Variants in ANLN observed in about 807,000 individuals in gnomAD.
ANLN encodes anillin.
A neutral mutation model predicts 135.1 loss-of-function variants in ANLN; 59 were observed. The ratio of observed to expected loss-of-function variants is 0.44; its 90% CI spans 0.35 to 0.54. The LOEUF is 0.54. Ranked by LOEUF, ANLN falls within the 20% of genes least tolerant of loss-of-function variation. ANLN has a pLI of 0.00. For synonymous variants in ANLN, 406 were observed against 456.4 expected, an observed-to-expected ratio of 0.89 and a Z score of 1.41; for missense variants, 1,182 against 1,340.0, an observed-to-expected ratio of 0.88 and a Z score of 1.84.
At chr7:36,444,968 C>T (rs1341964568) in intron 22 of ANLN, among the ~76,000 whole-genome samples, 5 of 151,730 alleles carry the variant, frequency 3.3e-5, no homozygotes, top group South Asian at 4.1e-4. Flanking sequence ...TCCAAAAGGG[C>T]GTAAAATAAT....
Position 36,424,563 on chromosome 7 carries a change from C to A in ANLN, c.2622C>A (p.Asp874Glu). 6.3e-7 allele frequency: 1 copy of A among 1,599,906 alleles called. No individual in the cohort carries two copies. The highest frequency in any genetic ancestry group is 8.5e-7 in the Non-Finnish European group (1 of 1,172,230). ...TTFTLQDVSNDFEINIEVYSL... is the reference protein window; with the variant it reads ...TTFTLQDVSNEFEINIEVYSL... ...TTTCCAGGCAAGATGTATCCAATGA[C>A]TTTGAAATAAATATTGAAGTTTACA... Residue 874 changes from aspartate to glutamate, a missense_variant, in exon 16 of 24, where the codon GAC becomes GAA. Transcript: ENST00000265748.
chr7:36,432,478 T>C (rs772461083), intron 20 of ANLN, among the ~76,000 whole-genome samples: 1 of 152,210 alleles, frequency 6.6e-6, no homozygotes, highest in Non-Finnish European at 1.5e-5. Flanking sequence ...GTCTTTCTTA[T>C]AGCAATCCTG....
intron 21 of ANLN, among the ~76,000 whole-genome samples, chr7:36,441,337 T>TA (rs1583654973): frequency 6.6e-6 from 1 of 152,276 alleles, no homozygotes; most frequent in East Asian, 1.9e-4. Context: ...CATTCACACT[T>TA]ACAAAAATGT....
rs1048378140 is a variant in ANLN at position 36,401,688 on chromosome 7, T to C, written c.487+2295T>C. On this transcript the variant is annotated intron_variant, in intron 3 of 23. Coordinates refer to ENST00000265748, the MANE Select transcript of ANLN (RefSeq NM_018685.5). ...ATAGTCTATGGTGTCAATTAATACC[T>C]ATTTATTTTAGCAGTGGTGAGGTAA... Among the ~76,000 whole-genome samples, 21 of 120,288 alleles carry C rather than the reference T, an allele frequency of 1.7e-4. 8 individuals carry two copies. Among genetic ancestry groups the C allele is most frequent in the African/African-American group, 7.3e-4 (21 of 28,594 alleles). The allele number at this position is 120,288 out of a possible 152,430, so 78.9% of individuals were successfully genotyped here.
chr7:36,418,754 CTTTTT>C (rs71553066), intron 9 of ANLN, among the ~76,000 whole-genome samples: 1 of 143,766 alleles, frequency 7.0e-6, no homozygotes, highest in Non-Finnish European at 1.5e-5. Context: ...TTTCTTTTTT[CTTTTT>C]TTTTTTTGTC....
chr7:36,395,798 T>C (rs1390236485), intron 1 of ANLN, among the ~76,000 whole-genome samples: 1 of 151,980 alleles, frequency 6.6e-6, no homozygotes, highest in Non-Finnish European at 1.5e-5. Context: ...TGGTAGTTGA[T>C]ACTGACCATC....
chr7:36,402,735 A>G (rs975598920), intron 3 of ANLN, among the ~76,000 whole-genome samples: 19 of 152,058 alleles, frequency 1.2e-4, no homozygotes, highest in African/African-American at 3.4e-4. Context: ...TCTGCTTTCT[A>G]TACATTTTTG....
At chr7:36,439,706 A>G (rs1788687511) in intron 21 of ANLN, among the ~76,000 whole-genome samples, 1 of 152,218 alleles carries the variant, frequency 6.6e-6, no homozygotes, top group South Asian at 2.1e-4. Flanking sequence ...GAGAATGTAC[A>G]GTGGCTTGAA....
At position 36,452,759 on chromosome 7, in the gene ANLN, A is replaced by G; in HGVS notation, c.*159A>G. The G allele has an allele frequency of 1.4e-6, 1 of 720,858 alleles. No individual in the cohort carries two copies. Among genetic ancestry groups the G allele is most frequent in the Non-Finnish European group, 2.1e-6 (1 of 470,150 alleles). 44.7% of individuals were successfully genotyped at this position (720,858 alleles called of 1,614,324 possible). On this transcript the variant is annotated 3_prime_UTR_variant, in exon 24 of 24. Coordinates refer to ENST00000265748, the MANE Select transcript of ANLN (RefSeq NM_018685.5). ...GCAGTATTTATATCTTTTGTATGTA[A>G]AACTTTAACTGATTTCTGTCATTCA...
chr7:36,426,885 G>T, intron 19 of ANLN, 31 bp from the exon 20 acceptor site: 1 of 1,419,226 alleles, frequency 7.0e-7, no homozygotes, highest in South Asian at 1.3e-5. Flanking sequence ...AAGTCATTCT[G>T]AACTAAACTT....
At chr7:36,390,181 G>T (rs764886798) in intron 1 of ANLN, 137 bp downstream of exon 1, 11 of 1,462,960 alleles carry the variant, frequency 7.5e-6, no homozygotes, top group Non-Finnish European at 1.0e-5. Flanking sequence ...GTGCGGGCCG[G>T]GGTCGCCGCG....
chr7:36,426,934 G>T lies in ANLN; in HGVS notation c.2789G>T (p.Gly930Val). The T allele has an allele frequency of 6.2e-7, 1 of 1,610,200 alleles. No homozygotes were observed. The highest frequency in any genetic ancestry group is 1.1e-5 in the South Asian group (1 of 90,156). The change falls in exon 20 of 24, where the codon GGT becomes GTT. Residue 930 changes from glycine to valine, a missense_variant. Gly to Val is a moderately radical substitution (Grantham distance 109, BLOSUM62 -3). Around this residue, in one of 3 missense-constraint regions of ANLN, gnomAD observed 1,022 missense variants for 1,134.0 expected, o/e 0.90. Coordinates refer to ENST00000265748, the MANE Select transcript of ANLN (RefSeq NM_018685.5). ...IHSSVMASPGGLSAVRTSNFA... is the reference protein window; with the variant it reads ...IHSSVMASPGVLSAVRTSNFA... Reference sequence around the variant, plus strand: ...TTCACAGTCATGGCCAGTCCAGGAGGTCTTAGTGCTGTGCGAACCAGCAAC... The same window carrying T: ...TTCACAGTCATGGCCAGTCCAGGAGTTCTTAGTGCTGTGCGAACCAGCAAC...
rs141380630 is a variant in ANLN, at chr7:36,431,617, A to ATAAT, written c.2883+4589_2883+4590insTAAT. Among the ~76,000 whole-genome samples the ATAAT allele has an allele frequency of 3.9e-3, 260 of 67,344 alleles. 9 individuals carry two copies. The highest frequency in any genetic ancestry group is 0.014 in the African/African-American group (244 of 17,126). 44.2% of individuals were successfully genotyped at this position (67,344 alleles called of 152,430 possible). A position where few individuals can be genotyped will look rare whatever the true frequency, so the allele number is the denominator to read the frequency against. On this transcript the variant is annotated intron_variant, in intron 20 of 23. Transcript: ENST00000265748. ...TGTGTGTATATATATATATATATAT[A>ATAAT]ATATATATATATATATTACCATTTT...
chr7:36,402,407 C>T (rs1169157605), intron 3 of ANLN, among the ~76,000 whole-genome samples: 3 of 152,116 alleles, frequency 2.0e-5, no homozygotes, highest in African/African-American at 7.2e-5. Context: ...GCCACCGTGT[C>T]CTGCCTGCAC....
Position 36,406,466 on chromosome 7 carries a change from C to T in ANLN, c.773C>T (p.Thr258Ile). 3 of 1,608,974 alleles carry T rather than the reference C, an allele frequency of 1.9e-6. No individual in the cohort carries two copies. The highest frequency in any genetic ancestry group is 1.7e-6 in the Non-Finnish European group (2 of 1,176,404). ...INSSSVKQEATFCSQRDGDAS... is the reference protein window; with the variant it reads ...INSSSVKQEAIFCSQRDGDAS... ...AGCAGCAGTGTTAAGCAGGAAGCTA[C>T]ATTCTGTTCCCAAAGGGATGGCGAT... The change falls in exon 4 of 24, where the codon ACA becomes ATA. Residue 258 changes from threonine to isoleucine, a missense_variant. Transcript: ENST00000265748.
chr7:36,416,720 C>T (rs1277531643), intron 8 of ANLN, among the ~76,000 whole-genome samples: 1 of 151,264 alleles, frequency 6.6e-6, no homozygotes, highest in Admixed American at 6.6e-5. Flanking sequence ...ACTGGAAAAA[C>T]AAACAATAAC....
intron 7 of ANLN, among the ~76,000 whole-genome samples, chr7:36,412,327 A>ATATATTT (rs1491401014): frequency 4.2e-5 from 4 of 94,806 alleles, no homozygotes; most frequent in East Asian, 4.5e-4. Flanking sequence ...ATATATATAT[A>ATATATTT]TTTTTTTTTT....
At chr7:36,444,767 A>G (rs1002894166) in intron 22 of ANLN, among the ~76,000 whole-genome samples, 5 of 152,008 alleles carry the variant, frequency 3.3e-5, no homozygotes, top group Non-Finnish European at 7.4e-5. Context: ...ATATATAATA[A>G]TTATTCATTT....
intron 1 of ANLN, among the ~76,000 whole-genome samples, chr7:36,391,122 T>C (rs1786437173): frequency 6.6e-6 from 1 of 152,228 alleles, no homozygotes; most frequent in African/African-American, 2.4e-5. Context: ...TATTTTTCTG[T>C]TTCAAATTCT....
Sources: allele counts gnomAD v4.1 joint callset (sites outside exome capture counted in the v4.1 genomes callset), GRCh38; gene constraint gnomAD v4.1.1; regional missense constraint gnomAD v4.1.1; transcripts MANE v1.5; gene names NCBI Gene and HGNC (gene_info 2026-07-23, HGNC 2026-07-21).